Variants in PTBP3 observed in about 807,000 individuals in gnomAD.
PTBP3 encodes the protein polypyrimidine tract-binding protein 3.
PTBP3 carries 20 observed loss-of-function variants against 58.7 expected under a neutral mutation model. The ratio of observed to expected loss-of-function variants is 0.34; its 90% CI spans 0.24 to 0.50. The LOEUF (loss-of-function observed/expected upper bound fraction) is 0.50, where lower values mean the gene tolerates loss of function less well. Among genes scored for constraint, PTBP3 ranks in the 20% least tolerant of loss-of-function variants. The pLI is 0.98. For synonymous variants in PTBP3, 185 were observed against 219.8 expected (o/e 0.84, Z 1.40); for missense variants, 509 against 637.2 (o/e 0.80, Z 2.17).
the PTBP3 span, among the ~76,000 whole-genome samples, chr9:112,361,138 C>T: frequency 2.0e-5 from 3 of 151,870 alleles, no homozygotes; most frequent in African/African-American, 7.3e-5. Flanking sequence ...ACTCTGTTGC[C>T]CAGGCTGGAG....
intron 1 of PTBP3, among the ~76,000 whole-genome samples, chr9:112,324,385 G>A (rs1337406980): frequency 6.6e-6 from 1 of 152,228 alleles, no homozygotes; most frequent in Non-Finnish European, 1.5e-5. Flanking sequence ...TGGTGCAGTG[G>A]CTCACATCTG....
At chr9:112,268,712 CA>C (rs56196327) in intron 3 of PTBP3, among the ~76,000 whole-genome samples, 30,999 of 94,234 alleles carry the variant, frequency 0.33, 4,371 homozygotes, top group Middle Eastern at 0.52. Flanking sequence ...GACACCGTCT[CA>C]AAAAAAAAAA....
chr9:112,270,194 G>A (rs891508981), intron 3 of PTBP3, among the ~76,000 whole-genome samples: 2 of 151,966 alleles, frequency 1.3e-5, no homozygotes, highest in Admixed American at 6.6e-5. Flanking sequence ...CACCCCAGTC[G>A]GCCTCCCAGA....
At chr9:112,355,190 A>T in the PTBP3 span, among the ~76,000 whole-genome samples, 3 of 152,200 alleles carry the variant, frequency 2.0e-5, no homozygotes, top group Non-Finnish European at 1.5e-5. Context: ...CTGGTATGAG[A>T]CCAACCCCTG....
At chr9:112,373,306 G>A in the PTBP3 span, among the ~76,000 whole-genome samples, 1 of 152,194 alleles carries the variant, frequency 6.6e-6, no homozygotes, top group Non-Finnish European at 1.5e-5. Flanking sequence ...GAAAAACCTG[G>A]AGTCTGATGT....
In PTBP3 at chr9:112,248,613, CTAAAA is replaced by C. The variant is rs771349045; in HGVS notation, c.802+2311_802+2315del. ...ATGTTAAGATACCATTTACCACACACTAAAATAAAATTTTTTTTAACCTCACTCCT... is the reference window on the plus strand; with the variant it reads ...ATGTTAAGATACCATTTACCACACACTAAAATTTTTTTTAACCTCACTCCT... On this transcript the variant is annotated intron_variant, in intron 7 of 13. Transcript: ENST00000374257. Among the ~76,000 whole-genome samples, 15 of 152,106 alleles carry C rather than the reference CTAAAA, an allele frequency of 9.9e-5. No individual in the cohort carries two copies. In the East Asian group the frequency reaches 1.5e-3, roughly 16 times the overall value.
chr9:112,341,807 C>G, the PTBP3 span, among the ~76,000 whole-genome samples: 1 of 152,160 alleles, frequency 6.6e-6, no homozygotes, highest in East Asian at 1.9e-4. Context: ...TCACAAAATT[C>G]TTTACATAGT....
At chr9:112,226,499 T>A (rs954404161) in intron 12 of PTBP3, among the ~76,000 whole-genome samples, 3 of 152,232 alleles carry the variant, frequency 2.0e-5, no homozygotes, top group African/African-American at 7.2e-5. Flanking sequence ...GTTCAAATTA[T>A]ACAAAACTGC....
the PTBP3 span, among the ~76,000 whole-genome samples, chr9:112,366,236 C>G: frequency 6.6e-6 from 1 of 151,392 alleles, no homozygotes; most frequent in South Asian, 2.1e-4. Context: ...TGAGCCAAGA[C>G]ACACCATTGC....
the PTBP3 span, among the ~76,000 whole-genome samples, chr9:112,354,589 G>T: frequency 6.6e-6 from 1 of 152,160 alleles, no homozygotes; most frequent in African/African-American, 2.4e-5. Flanking sequence ...GGGAGTATGA[G>T]ACCTTAATCA....
chr9:112,289,744 T>C (rs571274040), intron 2 of PTBP3, among the ~76,000 whole-genome samples: 1 of 152,178 alleles, frequency 6.6e-6, no homozygotes, highest in African/African-American at 2.4e-5. Flanking sequence ...ATTACGTGAT[T>C]ATGTGATTAC....
At chr9:112,347,020 A>C in the PTBP3 span, among the ~76,000 whole-genome samples, 56,109 of 152,020 alleles carry the variant, frequency 0.37, 10,583 homozygotes, top group South Asian at 0.44. Context: ...AGCAATTATA[A>C]TCCTAGATGT....
At position 112,240,113 on chromosome 9, in the gene PTBP3, G is replaced by A. The variant is rs376302984; in HGVS notation, c.803-5216C>T. Among the ~76,000 whole-genome samples, 228 of 152,186 alleles carry A rather than the reference G, an allele frequency of 1.5e-3. 1 individual carries two copies. Among genetic ancestry groups the A allele is most frequent in the South Asian group, 4.8e-3 (23 of 4,824 alleles). Reference sequence around the variant, plus strand: ...AGTAGGGGAGCACAAAAAAAGATTTGTCAAAAAGAAAAAAGATGGTATAGG... The same window carrying A: ...AGTAGGGGAGCACAAAAAAAGATTTATCAAAAAGAAAAAAGATGGTATAGG... On this transcript the variant is annotated intron_variant, in intron 7 of 13. Coordinates refer to ENST00000374257, the MANE Select transcript of PTBP3 (RefSeq NM_001163788.4).
chr9:112,374,959 A>G, the PTBP3 span, among the ~76,000 whole-genome samples: 1 of 152,174 alleles, frequency 6.6e-6, no homozygotes, highest in African/African-American at 2.4e-5. Flanking sequence ...CTGCTGGCAA[A>G]TTGGGCACTC....
At chr9:112,228,175 C>T (rs1272817704) in intron 11 of PTBP3, among the ~76,000 whole-genome samples, 2 of 152,078 alleles carry the variant, frequency 1.3e-5, no homozygotes. Context: ...AATATGTTCA[C>T]GTAGACAAAT....
At chr9:112,353,367 G>A in the PTBP3 span, among the ~76,000 whole-genome samples, 1 of 144,810 alleles carries the variant, frequency 6.9e-6, no homozygotes, top group Non-Finnish European at 1.5e-5. Flanking sequence ...AGACAGCTGT[G>A]AGTAAGGTAG....
At chr9:112,309,287 A>C (rs1829370790) in intron 1 of PTBP3, among the ~76,000 whole-genome samples, 1 of 152,120 alleles carries the variant, frequency 6.6e-6, no homozygotes, top group Admixed American at 6.5e-5. Flanking sequence ...CCCCGTGTGA[A>C]CACTTCCCAG....
chr9:112,334,297 A>G (rs989468799), upstream of PTBP3, among the ~76,000 whole-genome samples: 1 of 152,184 alleles, frequency 6.6e-6, no homozygotes, highest in Non-Finnish European at 1.5e-5. Flanking sequence ...TTGAATTTAT[A>G]TGAAAAATTC....
chr9:112,360,926 T>C, the PTBP3 span, among the ~76,000 whole-genome samples: 2 of 152,146 alleles, frequency 1.3e-5, no homozygotes, highest in Non-Finnish European at 2.9e-5. Context: ...AAATGGATTA[T>C]TATGCAAGCT....
Sources: allele counts gnomAD v4.1 joint callset (sites outside exome capture counted in the v4.1 genomes callset), GRCh38; gene constraint gnomAD v4.1.1; transcripts MANE v1.5; gene names NCBI Gene and HGNC (gene_info 2026-07-23, HGNC 2026-07-21).